GREB1L: variants seen among roughly 807,000 people sequenced by gnomAD.
The protein encoded by GREB1L is GREB1-like protein.
GREB1L carries 17 observed loss-of-function variants against 200.8 expected under a neutral mutation model. The observed-to-expected ratio is 0.08, with a 90% confidence interval of 0.06 to 0.13. The LOEUF is 0.13. Among genes scored for constraint, GREB1L ranks in the 10% least tolerant of loss-of-function variants. The pLI is 1.00. For missense variants in GREB1L, 1,657 were observed against 2,367.7 expected (o/e 0.70, Z 6.23); for synonymous variants, 789 against 893.0 (o/e 0.88, Z 2.08).
At position 21,401,056 on chromosome 18, in the gene GREB1L, G is replaced by A. The variant is rs1264947986; in HGVS notation, c.533-94G>A. The A allele has an allele frequency of 9.7e-6, 10 of 1,032,184 alleles. No individual in the cohort carries two copies. In the East Asian group the frequency reaches 2.6e-4, roughly 27 times the overall value. The allele number at this position is 1,032,184 out of a possible 1,614,324, so 63.9% of individuals were successfully genotyped here. A position where few individuals can be genotyped will look rare whatever the true frequency, so the allele number is the denominator to read the frequency against. On this transcript the variant is annotated intron_variant, in intron 5 of 32. Coordinates refer to ENST00000424526, the MANE Select transcript of GREB1L (RefSeq NM_001142966.3). Reference sequence around the variant, plus strand: ...TTCCTTGAGATTGAGACATTTTTGGGTCAAAGAATGTGAATGTTTCTATGC... The same window carrying A: ...TTCCTTGAGATTGAGACATTTTTGGATCAAAGAATGTGAATGTTTCTATGC...
intron 1 of GREB1L, among the ~76,000 whole-genome samples, chr18:21,358,891 A>T (rs1210650068): frequency 1.3e-5 from 2 of 152,220 alleles, no homozygotes; most frequent in Non-Finnish European, 2.9e-5. Context: ...AGAAATGCTG[A>T]TTTTGTATGT....
chr18:21,343,777 C>T (rs1308151544), intron 1 of GREB1L, among the ~76,000 whole-genome samples: 1 of 148,310 alleles, frequency 6.7e-6, no homozygotes, highest in Non-Finnish European at 1.5e-5. Context: ...GCTCTGTCAC[C>T]CAGGCTGGAG....
At chr18:21,308,303 C>T (rs1386052795) in intron 1 of GREB1L, among the ~76,000 whole-genome samples, 1 of 152,166 alleles carries the variant, frequency 6.6e-6, no homozygotes, top group Non-Finnish European at 1.5e-5. Flanking sequence ...GAGTATGCAT[C>T]TCAGGCAGAT....
At chr18:21,516,870 C>T in intron 30 of GREB1L, 116 bp downstream of exon 30, 1 of 730,878 alleles carries the variant, frequency 1.4e-6, no homozygotes, top group Non-Finnish European at 2.1e-6. Context: ...TGAAATAACA[C>T]AAGGGAGTTT....
chr18:21,266,839 G>A (rs959047134), intron 1 of GREB1L, among the ~76,000 whole-genome samples: 3 of 152,148 alleles, frequency 2.0e-5, no homozygotes, highest in African/African-American at 7.2e-5. Flanking sequence ...TGAGTTAGAT[G>A]GCCTCCTGGA....
intron 15 of GREB1L, among the ~76,000 whole-genome samples, chr18:21,469,808 T>C (rs1467553982): frequency 1.3e-5 from 2 of 152,198 alleles, no homozygotes; most frequent in Middle Eastern, 3.2e-3. Context: ...TTGACTTTTT[T>C]TCTGGTAATT....
intron 4 of GREB1L, chr18:21,387,517 C>G (rs1168832332): frequency 6.6e-6 from 1 of 152,172 alleles, no homozygotes; most frequent in Non-Finnish European, 1.5e-5. Flanking sequence ...ACTTACGTTT[C>G]TTTGCTTGTA....
chr18:21,457,452 T>G (rs2034820421), intron 15 of GREB1L, among the ~76,000 whole-genome samples: 2 of 152,226 alleles, frequency 1.3e-5, no homozygotes, highest in African/African-American at 4.8e-5. Flanking sequence ...GTATGCCTTA[T>G]TTTTAAAAAA....
rs747692535 is a variant in GREB1L at position 21,513,927 on chromosome 18, C to T, written c.4842C>T (p.Ile1614=). The part of the protein sequence containing the change: ...GIKRQCVWPF[I]VMMDDSCVLW... ...AACGCCAGTGTGTCTGGCCTTTCAT[C>T]GTCATGATGGATGACTCATGTGTCC... The change falls in exon 28 of 33, where the codon ATC becomes ATT. Residue 1614 remains isoleucine, a synonymous_variant. Transcript: ENST00000424526. The T allele has an allele frequency of 3.9e-6, 6 of 1,551,518 alleles. No homozygotes were observed. The highest frequency in any genetic ancestry group is 1.4e-5 in the African/African-American group (1 of 73,038).
chr18:21,304,312 G>A (rs2038665300), intron 1 of GREB1L, among the ~76,000 whole-genome samples: 1 of 151,726 alleles, frequency 6.6e-6, no homozygotes, highest in Non-Finnish European at 1.5e-5. Context: ...CTTTGGTAGG[G>A]GAATAATTGA....
At position 21,403,908 on chromosome 18, in the gene GREB1L, C is replaced by A. The variant is rs1306187355; in HGVS notation, c.746C>A (p.Ser249Tyr). 10 of 1,551,242 alleles carry A rather than the reference C, an allele frequency of 6.4e-6. No homozygotes were observed. The highest frequency in any genetic ancestry group is 7.9e-6 in the Non-Finnish European group (9 of 1,146,496). Residue 249 changes from serine to tyrosine, a missense_variant, in exon 7 of 33, where the codon TCT becomes TAT. Physicochemically the swap from Ser to Tyr is moderately radical, Grantham distance 144 (BLOSUM62 -2). Transcript: ENST00000424526. ...RSRQSSASCH[S>Y]IKPSSSVSST... ...CGACAATCCTCTGCTTCTTGCCACT[C>A]TATTAAGCCAAGCTCTTCAGTGTCG...
At chr18:21,350,139 T>C (rs1167761693) in intron 1 of GREB1L, among the ~76,000 whole-genome samples, 1 of 152,202 alleles carries the variant, frequency 6.6e-6, no homozygotes, top group East Asian at 1.9e-4. Flanking sequence ...GGACTGCCTT[T>C]ATCATCATTC....
chr18:21,335,757 G>A (rs568767965), intron 1 of GREB1L, among the ~76,000 whole-genome samples: 11 of 150,914 alleles, frequency 7.3e-5, no homozygotes, highest in Non-Finnish European at 1.0e-4. Context: ...TCCGCCTTCC[G>A]GGTTCATGCC....
intron 7 of GREB1L, among the ~76,000 whole-genome samples, chr18:21,434,073 ACTTT>A (rs1171980942): frequency 1.3e-5 from 2 of 152,220 alleles, no homozygotes; most frequent in African/African-American, 4.8e-5. Context: ...AACTAAAGCA[ACTTT>A]CTTTCAGAGA....
At chr18:21,395,244 G>GT in intron 4 of GREB1L, 141 bp from the exon 5 acceptor site, 1 of 580,158 alleles carries the variant, frequency 1.7e-6, no homozygotes, top group South Asian at 2.6e-5. Flanking sequence ...TTGTCTTCTG[G>GT]TTGGAGTATA....
At chr18:21,273,495 CATTA>C (rs2144315077) in intron 1 of GREB1L, among the ~76,000 whole-genome samples, 1 of 152,060 alleles carries the variant, frequency 6.6e-6, no homozygotes, top group Non-Finnish European at 1.5e-5. Flanking sequence ...ATTGTCTATT[CATTA>C]ATTCAACCAA....
At position 21,505,446 on chromosome 18, in the gene GREB1L, G is replaced by A; in HGVS notation, c.4107G>A (p.Glu1369=). 6.4e-7 allele frequency: 1 copy of A among 1,551,608 alleles called. No homozygotes were observed. Residue 1369 remains glutamate (E), a synonymous_variant, in exon 24 of 33, where the codon GAG becomes GAA. Coordinates refer to ENST00000424526, the MANE Select transcript of GREB1L (RefSeq NM_001142966.3). The part of the protein sequence containing the change: ...HNESSEVSQS[E]GEPWPDIESF... ...AAAGCAGTGAAGTGAGCCAGTCAGA[G>A]GGAGAGCCCTGGCCTGACATCGAGA...
chr18:21,449,956 C>G lies in GREB1L; in HGVS notation c.1720+120C>G, dbSNP rs2034439249. 3 of 790,714 alleles carry G rather than the reference C, an allele frequency of 3.8e-6. No individual in the cohort carries two copies. In the Admixed American group the frequency reaches 9.2e-5, roughly 24 times the overall value. 49.0% of individuals were successfully genotyped at this position (790,714 alleles called of 1,614,324 possible). On this transcript the variant is annotated intron_variant, in intron 12 of 32. Transcript: ENST00000424526. ...ATCAACCTCTGATTAATTGCTGGAG[C>G]TTGGGCTCATCCTCCTAATTTTAAC...
intron 17 of GREB1L, among the ~76,000 whole-genome samples, chr18:21,479,043 G>C (rs896677581): frequency 1.2e-4 from 18 of 151,884 alleles, no homozygotes; most frequent in African/African-American, 3.9e-4. Context: ...CACCTTGCCT[G>C]GTTAATTTTT....
Sources: gnomAD v4.1 joint callset for allele counts (sites outside exome capture counted in the v4.1 genomes callset) on GRCh38, gnomAD v4.1.1 for gene constraint, MANE v1.5 for transcripts, NCBI Gene and HGNC (gene_info 2026-07-23, HGNC 2026-07-21) for gene names.